RBFOX2: variants seen among roughly 807,000 people sequenced by gnomAD.
RBFOX2 encodes the protein RNA binding fox-1 homolog 2.
In RBFOX2, 10 loss-of-function variants were observed where a neutral mutation model predicts 49.1. The ratio of observed to expected loss-of-function variants is 0.20; its 90% confidence interval spans 0.13 to 0.35. The LOEUF (loss-of-function observed/expected upper bound fraction) is 0.35, where lower values mean the gene tolerates loss of function less well. Among genes scored for constraint, RBFOX2 ranks in the 10% least tolerant of loss-of-function variants. The probability of loss-of-function intolerance (pLI) is 1.00; values close to 1 mark genes in which losing one functional copy is unlikely to be tolerated. For missense variants in RBFOX2, 323 were observed against 486.9 expected (o/e 0.66, Z 3.17); for synonymous variants, 183 against 187.4 (o/e 0.98, Z 0.19).
intron 1 of RBFOX2, among the ~76,000 whole-genome samples, chr22:36,012,819 C>A (rs2058874915): frequency 6.6e-6 from 1 of 151,904 alleles, no homozygotes; most frequent in Non-Finnish European, 1.5e-5. Context: ...GGCTGGAGTG[C>A]AGTGGCATGA....
upstream of RBFOX2, among the ~76,000 whole-genome samples, chr22:35,842,671 C>T (rs571459200): frequency 2.6e-5 from 4 of 152,222 alleles, no homozygotes; most frequent in South Asian, 8.3e-4. Flanking sequence ...GCCTGGGGCA[C>T]TAAGAAGATA....
At chr22:36,009,033 G>A (rs184499888) in intron 1 of RBFOX2, among the ~76,000 whole-genome samples, 47 of 152,126 alleles carry the variant, frequency 3.1e-4, no homozygotes, top group South Asian at 1.0e-3. Context: ...ACTGACTCTC[G>A]TCATATATTT....
At chr22:35,786,631 A>T (rs1946459630) in intron 2 of RBFOX2, among the ~76,000 whole-genome samples, 1 of 152,204 alleles carries the variant, frequency 6.6e-6, no homozygotes. Flanking sequence ...TACAGGCGTG[A>T]GCCACAGCGC....
At chr22:35,974,373 T>C (rs1752950202) in intron 1 of RBFOX2, among the ~76,000 whole-genome samples, 1 of 152,182 alleles carries the variant, frequency 6.6e-6, no homozygotes, top group African/African-American at 2.4e-5. Context: ...ACACCAGAAT[T>C]GCCACTGGGT....
intron 1 of RBFOX2, among the ~76,000 whole-genome samples, chr22:35,833,026 G>C (rs1768201685): frequency 6.6e-6 from 1 of 152,000 alleles, no homozygotes; most frequent in Admixed American, 6.6e-5. Context: ...CACATTATAC[G>C]CATGTATCAA....
In RBFOX2 at chr22:35,781,715, T is replaced by C. The variant is rs779335878; in HGVS notation, c.284A>G (p.Gln95Arg). Residue 95 changes from glutamine to arginine, a missense_variant, in exon 3 of 12, where the codon CAG (glutamine) becomes CGG (arginine). By Grantham distance (43) the Gln-to-Arg change is conservative (BLOSUM62 1). Coordinates refer to ENST00000405409, the Ensembl canonical transcript of RBFOX2. Reference sequence around the variant, plus strand: ...TTCACTACTTTGTGTCTGTGACTGCTGGCCGTCTGTCTGTGCTCCACCTTC... The same window carrying C: ...TTCACTACTTTGTGTCTGTGACTGCCGGCCGTCTGTCTGTGCTCCACCTTC... 10 of 1,614,080 alleles carry C rather than the reference T, an allele frequency of 6.2e-6. No individual in the cohort carries two copies. The East Asian group carries it at 2.2e-4, about 36-fold the overall frequency.
chr22:35,776,153 G>A (rs1849454616), intron 4 of RBFOX2, among the ~76,000 whole-genome samples: 1 of 152,112 alleles, frequency 6.6e-6, no homozygotes, highest in African/African-American at 2.4e-5. Context: ...ACATTCATGT[G>A]CTTCTTATCT....
chr22:35,872,053 A>G (rs2044421182), intron 1 of RBFOX2, among the ~76,000 whole-genome samples: 1 of 152,212 alleles, frequency 6.6e-6, no homozygotes, highest in Non-Finnish European at 1.5e-5. Context: ...TTCAGCATCT[A>G]CCAAATCCTG....
chr22:35,877,315 G>A (rs1304786782), intron 1 of RBFOX2, among the ~76,000 whole-genome samples: 1 of 152,168 alleles, frequency 6.6e-6, no homozygotes, highest in Non-Finnish European at 1.5e-5. Context: ...AGGGGAAAAT[G>A]TGGATATATA....
At chr22:35,920,287 T>A (rs2050887087) in intron 1 of RBFOX2, among the ~76,000 whole-genome samples, 1 of 152,230 alleles carries the variant, frequency 6.6e-6, no homozygotes, top group South Asian at 2.1e-4. Flanking sequence ...CTGCTATTTA[T>A]GGAAGTCTTA....
intron 1 of RBFOX2, among the ~76,000 whole-genome samples, chr22:35,944,731 G>A (rs1203204048): frequency 6.6e-6 from 1 of 152,098 alleles, no homozygotes. Context: ...TTGGCTATGA[G>A]CAGAGTGCAG....
chr22:35,821,731 T>C (rs993390843), intron 1 of RBFOX2: 7 of 517,526 alleles, frequency 1.4e-5, no homozygotes, highest in African/African-American at 1.2e-4. Context: ...AGGCTGCCAT[T>C]AGGGATTACT....
intron 1 of RBFOX2, among the ~76,000 whole-genome samples, chr22:35,906,620 G>C (rs1228974440): frequency 6.6e-6 from 1 of 152,148 alleles, no homozygotes; most frequent in Non-Finnish European, 1.5e-5. Context: ...CAGGAGGCCA[G>C]CCTGGCCAAC....
intron 1 of RBFOX2, among the ~76,000 whole-genome samples, chr22:35,881,623 G>T: frequency 1.3e-5 from 2 of 148,192 alleles, no homozygotes; most frequent in Non-Finnish European, 1.5e-5. Context: ...AATGTCTAAT[G>T]CAGTTGTTTT....
At chr22:35,898,999 T>TC (rs34521495) in intron 1 of RBFOX2, among the ~76,000 whole-genome samples, 1 of 151,900 alleles carries the variant, frequency 6.6e-6, no homozygotes, top group African/African-American at 2.4e-5. Flanking sequence ...ATGCCTGTAA[T>TC]CCCAGCTACT....
intron 1 of RBFOX2, among the ~76,000 whole-genome samples, chr22:35,915,988 G>A (rs2149546590): frequency 6.6e-6 from 1 of 152,318 alleles, no homozygotes; most frequent in South Asian, 2.1e-4. Context: ...CCCAAAGCCA[G>A]ATTTAATCTA....
exon 1 of RBFOX2, among the ~76,000 whole-genome samples, chr22:36,028,585 C>G (rs1418468121): frequency 6.7e-6 from 1 of 148,448 alleles, no homozygotes; most frequent in Non-Finnish European, 1.5e-5. Context: ...CCCTCCGCGC[C>G]TCGCGGCCGC....
exon 12 of RBFOX2, chr22:35,742,355 C>A (rs976867428): frequency 6.6e-6 from 1 of 152,600 alleles, no homozygotes; most frequent in South Asian, 2.1e-4. Context: ...GTATTCTACA[C>A]AACAGGTCAA....
upstream of RBFOX2, among the ~76,000 whole-genome samples, chr22:35,943,470 A>G (rs1335024800): frequency 6.6e-6 from 1 of 152,234 alleles, no homozygotes; most frequent in African/African-American, 2.4e-5. Flanking sequence ...AATAAAAAGA[A>G]ATACATAAGA....
Sources: gnomAD v4.1 joint callset for allele counts (sites outside exome capture counted in the v4.1 genomes callset) on GRCh38, gnomAD v4.1.1 for gene constraint, MANE v1.5 for transcripts, NCBI Gene and HGNC (gene_info 2026-07-23, HGNC 2026-07-21) for gene names.